BICRAL: variants seen among roughly 807,000 people sequenced by gnomAD.
BICRAL encodes the protein BICRA like chromatin remodeling complex associated protein, also known as BRD4-interacting chromatin-remodeling complex-associated protein-like.
Under a neutral mutation model 91.8 loss-of-function variants are expected in BICRAL, and 8 were observed. The observed-to-expected ratio is 0.09, with a 90% confidence interval of 0.05 to 0.16. The LOEUF is 0.16. Ranked by LOEUF, BICRAL falls within the 10% of genes least tolerant of loss-of-function variation. The probability of loss-of-function intolerance (pLI) is 1.00; values close to 1 mark genes in which losing one functional copy is unlikely to be tolerated. For missense variants in BICRAL, 1,038 were observed against 1,310.9 expected (o/e 0.79, Z 3.21); for synonymous variants, 445 against 491.1 (o/e 0.91, Z 1.24).
upstream of BICRAL, among the ~76,000 whole-genome samples, chr6:42,781,396 T>C (rs1762899819): frequency 6.6e-6 from 1 of 152,224 alleles, no homozygotes. Flanking sequence ...AAGGAAAGCT[T>C]AGTACATTTG....
Position 42,830,038 on chromosome 6 carries a change from G to C in BICRAL, c.1705G>C (p.Asp569His), listed in dbSNP as rs1368873830. 1 of 1,614,160 alleles carries C rather than the reference G, an allele frequency of 6.2e-7. No homozygotes were observed. The highest frequency in any genetic ancestry group is 1.3e-5 in the African/African-American group (1 of 75,050). Residue 569 changes from aspartate to histidine, a missense_variant, in exon 6 of 13, where the codon GAT becomes CAT. Asp to His is a moderately conservative substitution (Grantham distance 81). Around this residue, in one of 5 missense-constraint regions of BICRAL, gnomAD observed 532 missense variants for 724.9 expected, o/e 0.73. Coordinates refer to ENST00000314073, the MANE Select transcript of BICRAL (RefSeq NM_001393499.1). ...SGSSGSNFTG[D>H]QLTQPNRTPV... ...TTCATCAGGATCAAACTTTACAGGA[G>C]ATCAGCTGACCCAGCCAAACAGGAC...
chr6:42,774,813 G>C (rs2113849106), intron 1 of BICRAL, among the ~76,000 whole-genome samples: 1 of 146,862 alleles, frequency 6.8e-6, no homozygotes, highest in Non-Finnish European at 1.5e-5. Context: ...GGGTCACACA[G>C]TGTCTCCACT....
In BICRAL at chr6:42,849,438, C is replaced by T. The variant is rs894168163; in HGVS notation, c.1840-2654C>T. On this transcript the variant is annotated intron_variant, in intron 6 of 12. Coordinates refer to ENST00000314073, the MANE Select transcript of BICRAL (RefSeq NM_001393499.1). ...GAACCAAATAATTAATTGTTTAGAA[C>T]AGATTTTTTTTTTTTTTTTTTGAGA... Among the ~76,000 whole-genome samples the T allele has an allele frequency of 2.1e-5, 3 of 146,126 alleles. No homozygotes were observed. In the East Asian group the frequency reaches 6.4e-4, roughly 31 times the overall value.
At chr6:42,807,698 C>T (rs112546528) in intron 1 of BICRAL, among the ~76,000 whole-genome samples, 2,119 of 151,130 alleles carry the variant, frequency 0.014, 46 homozygotes, top group African/African-American at 0.049. Flanking sequence ...CCCAGCTACT[C>T]GGTAGGCTGA....
At position 42,862,574 on chromosome 6, in the gene BICRAL, C is replaced by A. The variant is rs1765586344; in HGVS notation, c.2414C>A (p.Ser805Tyr). 6.2e-7 allele frequency: 1 copy of A among 1,611,506 alleles called. No homozygotes were observed. Among genetic ancestry groups the A allele is most frequent in the African/African-American group, 1.3e-5 (1 of 74,872 alleles). ...ATGTTCAACCAGGAGGAAAGAGCTT[C>A]CCTGTCCCGAGACAAGCGTTTGGCA... ...DRMFNQEERA[S>Y]LSRDKRLALV... Residue 805 changes from serine (S) to tyrosine (Y), a missense_variant, in exon 12 of 13, where the codon TCC becomes TAC. Physicochemically the swap from Ser to Tyr is moderately radical, Grantham distance 144 (BLOSUM62 -2). Around this residue, in one of 5 missense-constraint regions of BICRAL, gnomAD observed 294 missense variants for 292.6 expected, o/e 1.00. Coordinates refer to ENST00000314073, the MANE Select transcript of BICRAL (RefSeq NM_001393499.1).
At chr6:42,758,011 CAT>C (rs756603986) in intron 1 of BICRAL, among the ~76,000 whole-genome samples, 1 of 152,178 alleles carries the variant, frequency 6.6e-6, no homozygotes, top group Non-Finnish European at 1.5e-5. Context: ...ACACCAAATC[CAT>C]AGTCTTCCAA....
Position 42,868,550 on chromosome 6 carries a change from G to C in BICRAL, c.*3104G>C, listed in dbSNP as rs951432641. 1.3e-5 allele frequency: 2 copies of C among 152,568 alleles called. No individual in the cohort carries two copies. Among genetic ancestry groups the C allele is most frequent in the African/African-American group, 4.8e-5 (2 of 41,432 alleles). 9.5% of individuals were successfully genotyped at this position (152,568 alleles called of 1,614,324 possible). Reference sequence around the variant, plus strand: ...ACCATTGCAATACAGCCAAAGATTTGGGAAAATGTGCAACTGTGATTGTCT... The same window carrying C: ...ACCATTGCAATACAGCCAAAGATTTCGGAAAATGTGCAACTGTGATTGTCT... On this transcript the variant is annotated 3_prime_UTR_variant, in exon 13 of 13. Coordinates refer to ENST00000314073, the MANE Select transcript of BICRAL (RefSeq NM_001393499.1).
intron 1 of BICRAL, among the ~76,000 whole-genome samples, chr6:42,787,552 A>G (rs1339279168): frequency 6.6e-6 from 1 of 152,108 alleles, no homozygotes; most frequent in South Asian, 2.1e-4. Context: ...AAAAAGCCCT[A>G]AAACACTAAC....
intron 10 of BICRAL, among the ~76,000 whole-genome samples, chr6:42,858,819 A>AAAAT (rs1418033512): frequency 1.2e-4 from 18 of 152,174 alleles, no homozygotes; most frequent in East Asian, 3.9e-4. Flanking sequence ...CTCCATCTAA[A>AAAAT]AAATAAATAA....
intron 1 of BICRAL, among the ~76,000 whole-genome samples, chr6:42,768,593 C>G (rs145406928): frequency 7.2e-5 from 11 of 152,290 alleles, no homozygotes; most frequent in African/African-American, 1.9e-4. Flanking sequence ...AGGAAATATT[C>G]CAACTCCAAA....
At chr6:42,785,650 A>T (rs1367221206) in intron 1 of BICRAL, among the ~76,000 whole-genome samples, 1 of 152,180 alleles carries the variant, frequency 6.6e-6, no homozygotes, top group African/African-American at 2.4e-5. Flanking sequence ...CTGAAGATAA[A>T]TCCTTAAAAG....
chr6:42,855,481 G>A lies in BICRAL; in HGVS notation c.2047-375G>A, dbSNP rs1765322474. On this transcript the variant is annotated intron_variant, in intron 8 of 12. Transcript: ENST00000314073. ...CACTTGAGCCTGGGAAGCAGAGGTT[G>A]CAGTGAGCCGAGATTGTACCACCAC... 3.9e-5 allele frequency among the ~76,000 whole-genome samples: 6 copies of A among 152,182 alleles called. No individual in the cohort carries two copies. In the South Asian group the frequency reaches 1.2e-3, roughly 32 times the overall value.
chr6:42,770,605 G>A (rs1400420372), intron 1 of BICRAL, among the ~76,000 whole-genome samples: 1 of 151,824 alleles, frequency 6.6e-6, no homozygotes, highest in Non-Finnish European at 1.5e-5. Context: ...TAGTACAGAC[G>A]GGGTTTCACC....
At chr6:42,816,395 A>G (rs1421408576) in intron 2 of BICRAL, among the ~76,000 whole-genome samples, 1 of 151,882 alleles carries the variant, frequency 6.6e-6, no homozygotes, top group Non-Finnish European at 1.5e-5. Flanking sequence ...TAGTATACTT[A>G]AGGAAAGCGA....
chr6:42,766,773 G>A (rs2113838260), intron 1 of BICRAL, among the ~76,000 whole-genome samples: 1 of 152,230 alleles, frequency 6.6e-6, no homozygotes, highest in East Asian at 1.9e-4. Flanking sequence ...GGGTGCCGTG[G>A]CTCACACCTG....
chr6:42,854,070 T>C (rs560769643), intron 8 of BICRAL, among the ~76,000 whole-genome samples: 41 of 152,362 alleles, frequency 2.7e-4, no homozygotes, highest in Admixed American at 5.9e-4. Context: ...TTCACTATTA[T>C]ATCAAAGCGA....
intron 12 of BICRAL, among the ~76,000 whole-genome samples, chr6:42,863,082 C>T (rs1408001852): frequency 6.8e-6 from 1 of 147,038 alleles, no homozygotes; most frequent in African/African-American, 2.5e-5. Context: ...CGGAGTATCG[C>T]TCTGTCGCCC....
chr6:42,770,162 A>G (rs112554285), intron 1 of BICRAL, among the ~76,000 whole-genome samples: 159 of 152,200 alleles, frequency 1.0e-3, no homozygotes, highest in African/African-American at 3.8e-3. Flanking sequence ...TGTGATTTGG[A>G]GAACTCTTAG....
chr6:42,800,743 T>C (rs1243232922), intron 1 of BICRAL, among the ~76,000 whole-genome samples: 8 of 152,162 alleles, frequency 5.3e-5, no homozygotes, highest in African/African-American at 1.9e-4. Context: ...TTTGAGTCTG[T>C]CTTTATAAAA....
Sources: gnomAD v4.1 joint callset for allele counts (sites outside exome capture counted in the v4.1 genomes callset) on GRCh38, gnomAD v4.1.1 for gene constraint, gnomAD v4.1.1 regional missense constraint, MANE v1.5 for transcripts, NCBI Gene and HGNC (gene_info 2026-07-23, HGNC 2026-07-21) for gene names.